Variants in SLC39A9 observed in about 807,000 individuals in gnomAD.
The protein encoded by SLC39A9 is zinc transporter ZIP9.
SLC39A9 carries 14 observed loss-of-function variants against 28.4 expected under a neutral mutation model. That is an observed-to-expected ratio of 0.49 (90% CI 0.33 to 0.77). SLC39A9 has a LOEUF of 0.77. Ranked by LOEUF, SLC39A9 falls within the 30% of genes least tolerant of loss-of-function variation. SLC39A9 has a pLI of 0.02. For missense variants in SLC39A9, 283 were observed against 381.1 expected, an observed-to-expected ratio of 0.74 and a Z score of 2.14; for synonymous variants, 119 against 149.6, an observed-to-expected ratio of 0.80 and a Z score of 1.49.
At chr14:69,443,519 A>G (rs1885145002) in intron 3 of SLC39A9, among the ~76,000 whole-genome samples, 1 of 152,222 alleles carries the variant, frequency 6.6e-6, no homozygotes, top group African/African-American at 2.4e-5. Context: ...TCTGATTTCT[A>G]CTGGCAGTAA....
At chr14:69,454,694 G>GT (rs1334568879) in intron 4 of SLC39A9, 118 bp from the exon 5 acceptor site, 1 of 706,294 alleles carries the variant, frequency 1.4e-6, no homozygotes, top group African/African-American at 1.8e-5. Flanking sequence ...ATGTAGAAAG[G>GT]TTAAGTAACA....
At chr14:69,433,035 T>C (rs1034924880) in intron 2 of SLC39A9, among the ~76,000 whole-genome samples, 2 of 152,220 alleles carry the variant, frequency 1.3e-5, no homozygotes, top group African/African-American at 4.8e-5. Flanking sequence ...TGGTTCCATA[T>C]GAATTTTAGA....
intron 2 of SLC39A9, chr14:69,441,780 C>A: frequency 9.1e-7 from 1 of 1,104,180 alleles, no homozygotes; most frequent in Non-Finnish European, 1.1e-6. Flanking sequence ...GGATGGTGTC[C>A]CTTTGGGAAT....
intron 3 of SLC39A9, among the ~76,000 whole-genome samples, chr14:69,443,357 A>G (rs1945153383): frequency 1.3e-5 from 2 of 152,338 alleles, no homozygotes; most frequent in South Asian, 2.1e-4. Flanking sequence ...GAGCTACTTG[A>G]TAGTTGCCCA....
intron 1 of SLC39A9, among the ~76,000 whole-genome samples, chr14:69,413,679 T>C (rs1319303863): frequency 6.6e-6 from 1 of 152,188 alleles, no homozygotes; most frequent in Non-Finnish European, 1.5e-5. Flanking sequence ...ATTTTGCTGA[T>C]TCATACTATT....
chr14:69,413,322 C>G (rs965462593), intron 1 of SLC39A9, among the ~76,000 whole-genome samples: 2 of 151,668 alleles, frequency 1.3e-5, no homozygotes, highest in African/African-American at 4.9e-5. Flanking sequence ...TGCCACTGCA[C>G]TCCAGCCTGG....
intron 1 of SLC39A9, among the ~76,000 whole-genome samples, chr14:69,402,164 CAGA>C (rs776427078): frequency 6.6e-6 from 1 of 150,992 alleles, no homozygotes; most frequent in Admixed American, 6.6e-5. Context: ...TGGGCCACAT[CAGA>C]AGAAGAATTA....
chr14:69,448,433 G>A (rs1173067923), intron 3 of SLC39A9, among the ~76,000 whole-genome samples: 1 of 152,070 alleles, frequency 6.6e-6, no homozygotes, highest in African/African-American at 2.4e-5. Flanking sequence ...AGCAGCAGAT[G>A]TACATCCTGC....
chr14:69,444,322 A>T (rs1885193387), intron 3 of SLC39A9, among the ~76,000 whole-genome samples: 1 of 152,228 alleles, frequency 6.6e-6, no homozygotes, highest in African/African-American at 2.4e-5. Context: ...CCAGGCTAAG[A>T]ATCTTTGGTC....
rs150730222 is a variant in SLC39A9, at chr14:69,423,713, C to T, written c.97-381C>T. On this transcript the variant is annotated intron_variant, in intron 1 of 6. Coordinates refer to ENST00000336643, the MANE Select transcript of SLC39A9 (RefSeq NM_018375.5). ...AGGAGTTGGAGACCAGCCTGGGCAA[C>T]ATGGTGAAACCCCGTCTCTACTGAA... is the stretch of plus-strand genomic sequence containing the variant. 2.3e-3 allele frequency among the ~76,000 whole-genome samples: 349 copies of T among 152,154 alleles called. 2 individuals are homozygous for T. Among genetic ancestry groups the T allele is most frequent in the African/African-American group, 8.1e-3 (337 of 41,494 alleles).
At chr14:69,407,680 C>G (rs574084235) in intron 1 of SLC39A9, among the ~76,000 whole-genome samples, 11 of 150,338 alleles carry the variant, frequency 7.3e-5, no homozygotes, top group Non-Finnish European at 1.6e-4. Flanking sequence ...CTGTTGTTGC[C>G]CAGGCTGGAG....
At chr14:69,401,324 C>T (rs1361198621) in intron 1 of SLC39A9, among the ~76,000 whole-genome samples, 1 of 152,164 alleles carries the variant, frequency 6.6e-6, no homozygotes, top group East Asian at 1.9e-4. Context: ...ATTTGGGTTA[C>T]CTGCCTGCCC....
chr14:69,414,566 A>T (rs1883464742), intron 1 of SLC39A9, among the ~76,000 whole-genome samples: 1 of 152,236 alleles, frequency 6.6e-6, no homozygotes, highest in Non-Finnish European at 1.5e-5. Context: ...CCTTGTTAAA[A>T]CTGAATATTC....
chr14:69,441,174 G>A (rs1386036237), intron 2 of SLC39A9, among the ~76,000 whole-genome samples: 2 of 152,108 alleles, frequency 1.3e-5, no homozygotes, highest in Non-Finnish European at 2.9e-5. Flanking sequence ...CCAGTTACTT[G>A]GGAGGCTGAG....
At position 69,441,961 on chromosome 14, in the gene SLC39A9, C is replaced by G. The variant is rs921773666; in HGVS notation, c.206-108C>G. 4 of 1,462,394 alleles carry G rather than the reference C, an allele frequency of 2.7e-6. No homozygotes were observed. In the African/African-American group the frequency reaches 5.7e-5, roughly 21 times the overall value. 90.6% of individuals were successfully genotyped at this position (1,462,394 alleles called of 1,614,324 possible). On this transcript the variant is annotated intron_variant, in intron 2 of 6. Coordinates refer to ENST00000336643, the MANE Select transcript of SLC39A9 (RefSeq NM_018375.5). Reference sequence around the variant, plus strand: ...GGATTACAATATAAAAAGTGGATGTCTTTACAGTAAAGTAAGTAGAGCTTG... The same window carrying G: ...GGATTACAATATAAAAAGTGGATGTGTTTACAGTAAAGTAAGTAGAGCTTG...
intron 1 of SLC39A9, among the ~76,000 whole-genome samples, chr14:69,409,859 G>A (rs775448771): frequency 1.3e-5 from 2 of 152,062 alleles, no homozygotes; most frequent in Non-Finnish European, 2.9e-5. Flanking sequence ...TATATTACCA[G>A]TTTTTTAAAA....
chr14:69,453,750 T>C (rs1885727947), intron 4 of SLC39A9, among the ~76,000 whole-genome samples: 1 of 152,144 alleles, frequency 6.6e-6, no homozygotes, highest in Non-Finnish European at 1.5e-5. Context: ...GAAAGGCAAA[T>C]GTGACTGATG....
chr14:69,423,404 A>G (rs1177643761), intron 1 of SLC39A9, among the ~76,000 whole-genome samples: 9 of 152,186 alleles, frequency 5.9e-5, no homozygotes, highest in African/African-American at 1.2e-4. Context: ...TCTTTGCACA[A>G]TTCTTTCTTA....
chr14:69,421,884 T>C (rs1443288593), intron 1 of SLC39A9, among the ~76,000 whole-genome samples: 5 of 152,158 alleles, frequency 3.3e-5, no homozygotes, highest in Admixed American at 6.5e-5. Flanking sequence ...GGTGGCAATG[T>C]CCCGATTTTC....
Sources: gnomAD v4.1 joint callset for allele counts (sites outside exome capture counted in the v4.1 genomes callset) on GRCh38, gnomAD v4.1.1 for gene constraint, MANE v1.5 for transcripts, NCBI Gene and HGNC (gene_info 2026-07-23, HGNC 2026-07-21) for gene names.